NOL10: variants seen among roughly 807,000 people sequenced by gnomAD.
NOL10 encodes H_NH0074G24.1.
NOL10 carries 58 observed loss-of-function variants against 103.5 expected under a neutral mutation model. The observed-to-expected ratio is 0.56, with a 90% CI of 0.45 to 0.70. The LOEUF (loss-of-function observed/expected upper bound fraction) is 0.70, where lower values mean the gene tolerates loss of function less well. NOL10 is among the 30% of genes least tolerant of loss of function. The pLI is 0.00. For synonymous variants in NOL10, 287 were observed against 282.5 expected, an observed-to-expected ratio of 1.02 and a Z score of -0.16; for missense variants, 763 against 807.3, an observed-to-expected ratio of 0.95 and a Z score of 0.67.
At chr2:10,615,412 T>C (rs4997811) in intron 13 of NOL10, among the ~76,000 whole-genome samples, 89,520 of 151,570 alleles carry the variant, frequency 0.59, 27,407 homozygotes, top group African/African-American at 0.74. Flanking sequence ...AATAGTCAAT[T>C]TTTGTGACAC....
At chr2:10,685,798 G>A (rs1324132497) in intron 1 of NOL10, among the ~76,000 whole-genome samples, 3 of 151,922 alleles carry the variant, frequency 2.0e-5, no homozygotes, top group Non-Finnish European at 4.4e-5. Context: ...TCTTGGCCAA[G>A]TGCAGTGGTT....
At chr2:10,591,941 T>C (rs1265851798) in intron 17 of NOL10, among the ~76,000 whole-genome samples, 2 of 152,260 alleles carry the variant, frequency 1.3e-5, no homozygotes, top group South Asian at 2.1e-4. Context: ...AAGTCAGGGC[T>C]GCAGTGAGTT....
rs1036051520 is a variant in NOL10, at chr2:10,648,895, A to C, written c.974-4523T>G. Among the ~76,000 whole-genome samples, 3 of 152,290 alleles carry C rather than the reference A, an allele frequency of 2.0e-5. No individual in the cohort carries two copies. The East Asian group carries it at 5.8e-4, about 29-fold the overall frequency. On this transcript the variant is annotated intron_variant, in intron 12 of 20. Transcript: ENST00000381685. ...GACTATACTGGATTGAAAGAAACTA[A>C]AGATACACAACAGCGAAATGTAACA... is the stretch of plus-strand genomic sequence containing the variant.
At chr2:10,600,712 C>T (rs1675924968) in intron 17 of NOL10, 141 bp downstream of exon 17, 4 of 585,894 alleles carry the variant, frequency 6.8e-6, no homozygotes, top group Middle Eastern at 3.4e-4. Flanking sequence ...TCCAGACTTC[C>T]CATCTTAAGC....
chr2:10,635,162 A>G (rs1678118234), intron 13 of NOL10, among the ~76,000 whole-genome samples: 2 of 152,238 alleles, frequency 1.3e-5, no homozygotes, highest in African/African-American at 4.8e-5. Flanking sequence ...TTATACCTTT[A>G]AACATTTTAT....
At position 10,589,286 on chromosome 2, in the gene NOL10, TCTTC is replaced by T. The variant is rs770540463; in HGVS notation, c.1597_1600del (p.Glu533ArgfsTer41). On this transcript the variant is annotated frameshift_variant and splice_region_variant, in exon 19 of 21. Transcript: ENST00000381685. LOFTEE classifies it high-confidence loss of function. ...TGGTTTTCCTTCCGGCTCTTCCTCC[TCTTC>T]CTGAGAATAAAAATAGTAAGCAGCA... 1 of 1,613,270 alleles carries T rather than the reference TCTTC, an allele frequency of 6.2e-7. No individual in the cohort carries two copies. The highest frequency in any genetic ancestry group is 1.3e-5 in the African/African-American group (1 of 74,844).
At chr2:10,614,078 G>C (rs112330299) in intron 13 of NOL10, among the ~76,000 whole-genome samples, 4 of 151,802 alleles carry the variant, frequency 2.6e-5, no homozygotes, top group Non-Finnish European at 4.4e-5. Flanking sequence ...TCCTGCCTCA[G>C]ACTCCCTAGT....
intron 3 of NOL10, among the ~76,000 whole-genome samples, chr2:10,677,739 C>T (rs1178179077): frequency 6.6e-6 from 1 of 152,004 alleles, no homozygotes; most frequent in East Asian, 1.9e-4. Context: ...TCCCAAAGTG[C>T]TGGAATTACA....
In NOL10 at chr2:10,616,417, AC is replaced by A. The variant is rs563217206; in HGVS notation, c.1027-9107del. Among the ~76,000 whole-genome samples, 424 of 151,904 alleles carry A rather than the reference AC, an allele frequency of 2.8e-3. 3 individuals carry two copies. Among genetic ancestry groups the A allele is most frequent in the South Asian group, 0.016 (75 of 4,806 alleles). On this transcript the variant is annotated intron_variant, in intron 13 of 20. Transcript: ENST00000381685. ...GTATTTTTAGTAGAGACGGGGTTTCACCATGTTGGCCAGGCTATTCTCAAAT... is the reference window on the plus strand; with the variant it reads ...GTATTTTTAGTAGAGACGGGGTTTCACATGTTGGCCAGGCTATTCTCAAAT...
At chr2:10,677,302 G>A (rs567548790) in intron 3 of NOL10, among the ~76,000 whole-genome samples, 2 of 152,166 alleles carry the variant, frequency 1.3e-5, no homozygotes, top group South Asian at 2.1e-4. Flanking sequence ...GTCTATCTCC[G>A]TGAAGTGCAA....
At chr2:10,675,058 T>C (rs1445619492) in intron 4 of NOL10, among the ~76,000 whole-genome samples, 1 of 151,776 alleles carries the variant, frequency 6.6e-6, no homozygotes, top group Non-Finnish European at 1.5e-5. Context: ...ATAAAATTAG[T>C]GGGGCATGGT....
At chr2:10,630,812 G>T (rs1677792869) in intron 13 of NOL10, among the ~76,000 whole-genome samples, 1 of 152,174 alleles carries the variant, frequency 6.6e-6, no homozygotes, top group Non-Finnish European at 1.5e-5. Flanking sequence ...TAGCTCTGAT[G>T]GTCTATGCTC....
chr2:10,643,629 T>C (rs1286734735), intron 13 of NOL10, among the ~76,000 whole-genome samples: 1 of 152,188 alleles, frequency 6.6e-6, no homozygotes, highest in Admixed American at 6.5e-5. Flanking sequence ...TCTATGATAA[T>C]TTATATATGT....
intron 13 of NOL10, among the ~76,000 whole-genome samples, chr2:10,636,371 T>C (rs1292187953): frequency 4.7e-5 from 6 of 127,296 alleles, no homozygotes; most frequent in Non-Finnish European, 9.6e-5. Context: ...AGCCCAGGAG[T>C]TGGCGACCAG....
At chr2:10,610,090 G>C (rs1332154819) in intron 13 of NOL10, among the ~76,000 whole-genome samples, 2 of 152,084 alleles carry the variant, frequency 1.3e-5, no homozygotes, top group East Asian at 3.8e-4. Context: ...TCACCATAAA[G>C]CTACTGGGTA....
In NOL10 at chr2:10,571,343, G is replaced by A. The variant is rs58615432; in HGVS notation, c.*728C>T. The A allele has an allele frequency of 0.015, 2,275 of 152,604 alleles. 69 individuals are homozygous for A. The highest frequency in any genetic ancestry group is 0.05 in the African/African-American group (2,064 of 41,486). 9.5% of individuals were successfully genotyped at this position (152,604 alleles called of 1,614,324 possible). A position where few individuals can be genotyped will look rare whatever the true frequency, so the allele number is the denominator to read the frequency against. ...TCTGCCACGATTGTAAGCTTCCCAG[G>A]GCCTCCACAGCCATGCTTCCTGTAC... On this transcript the variant is annotated 3_prime_UTR_variant, in exon 21 of 21. Transcript: ENST00000381685.
rs182328060 is a variant in NOL10, at chr2:10,586,124, G to A, written c.1844+2919C>T. ...TGCCTCAGGATGGGAGATGGGGTAG[G>A]GTAAATGTGGGGTGACTGCCCATAA... On this transcript the variant is annotated intron_variant, in intron 19 of 20. Coordinates refer to ENST00000381685, the MANE Select transcript of NOL10 (RefSeq NM_024894.4). Among the ~76,000 whole-genome samples, 69 of 152,314 alleles carry A rather than the reference G, an allele frequency of 4.5e-4. 1 individual carries two copies. The highest frequency in any genetic ancestry group is 8.4e-4 in the Non-Finnish European group (57 of 68,030).
intron 13 of NOL10, among the ~76,000 whole-genome samples, chr2:10,617,729 T>C (rs541830541): frequency 6.6e-6 from 1 of 152,136 alleles, no homozygotes; most frequent in Non-Finnish European, 1.5e-5. Context: ...CATCCACTGA[T>C]GAATGGGTGA....
intron 17 of NOL10, among the ~76,000 whole-genome samples, chr2:10,599,085 G>GA (rs374388970): frequency 0.069 from 2,201 of 31,890 alleles, 67 homozygotes; most frequent in African/African-American, 0.3. Context: ...ACAAAGAAAT[G>GA]GGGGGAAGGG....
Sources: gnomAD v4.1 joint callset for allele counts (sites outside exome capture counted in the v4.1 genomes callset) on GRCh38, gnomAD v4.1.1 for gene constraint, MANE v1.5 for transcripts, NCBI Gene and HGNC (gene_info 2026-07-23, HGNC 2026-07-21) for gene names.